ODF2: variants seen among roughly 807,000 people sequenced by gnomAD.
ODF2 encodes outer dense fiber of sperm tails 2.
In ODF2, 47 loss-of-function variants were observed where a neutral mutation model predicts 110.2. The observed-to-expected ratio is 0.43, with a 90% CI of 0.34 to 0.54. ODF2 has a LOEUF of 0.54. ODF2 is among the 20% of genes least tolerant of loss of function. ODF2 has a pLI of 0.03. For synonymous variants in ODF2, 352 were observed against 397.7 expected, an observed-to-expected ratio of 0.89 and a Z score of 1.37; for missense variants, 812 against 1,054.5, an observed-to-expected ratio of 0.77 and a Z score of 3.19.
intron 14 of ODF2, among the ~76,000 whole-genome samples, chr9:128,488,454 C>A (rs1451570583): frequency 6.6e-6 from 1 of 152,036 alleles, no homozygotes; most frequent in African/African-American, 2.4e-5. Flanking sequence ...GGATTCAAGT[C>A]CTTACTCTGC....
chr9:128,463,986 A>C (rs1019913127), intron 4 of ODF2, among the ~76,000 whole-genome samples: 17 of 151,806 alleles, frequency 1.1e-4, no homozygotes, highest in African/African-American at 4.1e-4. Context: ...CTGGGATTAC[A>C]GGCACGCACC....
In ODF2 at chr9:128,494,715, C is replaced by A; in HGVS notation, c.1911+47C>A. Reference sequence around the variant, plus strand: ...TCCCACGAACTGACCCGAGCAGGGGCCCGCATACCAAGATGAGCTGCACGC... The same window carrying A: ...TCCCACGAACTGACCCGAGCAGGGGACCGCATACCAAGATGAGCTGCACGC... On this transcript the variant is annotated intron_variant, in intron 17 of 20. Transcript: ENST00000604420. This position sits in a 1 kb window ranked among gnomAD's most constrained non-coding sequence, Gnocchi z 4.6. 6.2e-7 allele frequency: 1 copy of A among 1,614,092 alleles called. No individual in the cohort carries two copies. Among genetic ancestry groups the A allele is most frequent in the Non-Finnish European group, 8.5e-7 (1 of 1,180,030 alleles).
chr9:128,473,838 G>T, intron 8 of ODF2, 97 bp downstream of exon 8: 1 of 1,112,446 alleles, frequency 9.0e-7, no homozygotes, highest in Non-Finnish European at 1.3e-6. Flanking sequence ...ATTGGTGCCC[G>T]ACCTGAGAGG....
Position 128,494,164 on chromosome 9 carries a change from C to G in ODF2, c.1753-346C>G, listed in dbSNP as rs1183088086. 6.6e-6 allele frequency among the ~76,000 whole-genome samples: 1 copy of G among 152,190 alleles called. No individual in the cohort carries two copies. Among genetic ancestry groups the G allele is most frequent in the Non-Finnish European group, 1.5e-5 (1 of 68,030 alleles). On this transcript the variant is annotated intron_variant, in intron 16 of 20. Transcript: ENST00000604420. The surrounding 1 kb of genome is among the most constrained non-coding windows in gnomAD (Gnocchi z 4.6). ...GAATGACCTTGGGCAAATGACTTAG[C>G]TCTCTTGATGCTTACTATACTTGTA...
At chr9:128,482,869 G>T in exon 10 of ODF2, 1 of 1,605,168 alleles carries the variant, frequency 6.2e-7, no homozygotes, top group Non-Finnish European at 8.5e-7. Flanking sequence ...AGCTCCTTCA[G>T]GAAATACAAT....
Position 128,500,215 on chromosome 9 carries a change from T to A in ODF2, c.2450T>A (p.Leu817Gln), listed in dbSNP as rs1371786352. 3 of 1,614,224 alleles carry A rather than the reference T, an allele frequency of 1.9e-6. No individual in the cohort carries two copies. In the South Asian group the frequency reaches 3.3e-5, roughly 18 times the overall value. ...GGGGATGGTCCCTATTCCACCTTCC[T>A]GACTAGCTCTCCCATCCGCTCCCGA... Residue 817 changes from leucine (L) to glutamine (Q), a missense_variant, in exon 21 of 21, where the codon CTG becomes CAG. Leu to Gln is a moderately radical substitution (Grantham distance 113). Around this residue, in one of 5 missense-constraint regions of ODF2, gnomAD observed 234 missense variants for 245.3 expected, o/e 0.95. Coordinates refer to ENST00000604420, the Ensembl canonical transcript of ODF2.
chr9:128,455,975 G>A, upstream of ODF2: 1 of 1,411,280 alleles, frequency 7.1e-7, no homozygotes, highest in Non-Finnish European at 9.2e-7. Context: ...CTTGGTGACG[G>A]GACGCGTGGC....
intron 4 of ODF2, among the ~76,000 whole-genome samples, chr9:128,467,744 C>CAA (rs5900797): frequency 0.017 from 2,041 of 117,080 alleles, 87 homozygotes; most frequent in East Asian, 0.099. Context: ...GACCCTGTCT[C>CAA]AAAAAAAAAA....
At chr9:128,500,256 G>T (rs1294474834) in exon 21 of ODF2, 6 of 1,614,048 alleles carry the variant, frequency 3.7e-6, no homozygotes, top group Middle Eastern at 1.6e-4. Flanking sequence ...TCCTGCCTGA[G>T]GCCACTTATC....
intron 3 of ODF2, chr9:128,460,200 C>A: frequency 7.6e-7 from 1 of 1,307,892 alleles, no homozygotes; most frequent in South Asian, 1.2e-5. Flanking sequence ...TTCCGCTGTG[C>A]TTCACTAAAT....
At chr9:128,490,421 T>G (rs1844300621) in intron 14 of ODF2, among the ~76,000 whole-genome samples, 1 of 152,054 alleles carries the variant, frequency 6.6e-6, no homozygotes, top group Non-Finnish European at 1.5e-5. Context: ...TAGCTGGGAT[T>G]ACAGGCATCC....
rs1463936495 is a variant in ODF2, at chr9:128,498,443, C to T, written c.2043C>T (p.Ile681=). ...TGGAGGCGACCAGTGCCCAGAATAT[C>T]GAGTTCCTACAGGTGATTGCCAAGA... Residue 681 remains isoleucine (I), a synonymous_variant, in exon 19 of 21, where the codon ATC becomes ATT. Transcript: ENST00000604420. 10 of 1,607,760 alleles carry T rather than the reference C, an allele frequency of 6.2e-6. No homozygotes were observed. In the African/African-American group the frequency reaches 6.7e-5, roughly 11 times the overall value.
At chr9:128,483,657 G>A (rs980136889) in intron 10 of ODF2, among the ~76,000 whole-genome samples, 23 of 151,810 alleles carry the variant, frequency 1.5e-4, no homozygotes, top group African/African-American at 5.6e-4. Context: ...GGCCGAGGCA[G>A]GTGGATCACT....
rs1844850590 is a variant in ODF2 at position 128,492,812 on chromosome 9, CT to C, written c.1752+10del. ...GAACAAAGAGATTGAGGCGGTACTG[CT>C]TTCCTTCCTTGTTTTCTTCTCCTAC... On this transcript the variant is annotated splice_region_variant and intron_variant, in intron 16 of 20. Transcript: ENST00000604420. 6.2e-7 allele frequency: 1 copy of C among 1,606,682 alleles called. No individual in the cohort carries two copies. Among genetic ancestry groups the C allele is most frequent in the African/African-American group, 1.3e-5 (1 of 74,778 alleles).
chr9:128,492,397 G>T lies in ODF2; in HGVS notation c.1537-29G>T, dbSNP rs146272755. 226 of 1,500,612 alleles carry T rather than the reference G, an allele frequency of 1.5e-4. No homozygotes were observed. In the East Asian group the frequency reaches 3.0e-3, roughly 20 times the overall value. 93.0% of individuals were successfully genotyped at this position (1,500,612 alleles called of 1,614,324 possible). On this transcript the variant is annotated intron_variant, in intron 14 of 20. Transcript: ENST00000604420. ...GGTCCACCTGAAGCAGAACCTTCCT[G>T]TGGGTTACTCATGAGCCATCCCTTC...
At chr9:128,472,840 T>G (rs1840365394) in intron 6 of ODF2, 73 bp from the exon 7 acceptor site, 1 of 1,601,248 alleles carries the variant, frequency 6.2e-7, no homozygotes, top group Non-Finnish European at 8.5e-7. Flanking sequence ...CCTAGGGCAT[T>G]GTGAGGCAAG....
At chr9:128,463,844 A>T (rs1837155980) in intron 4 of ODF2, among the ~76,000 whole-genome samples, 1 of 145,424 alleles carries the variant, frequency 6.9e-6, no homozygotes, top group Non-Finnish European at 1.5e-5. Context: ...CTTTATTTTT[A>T]TTTATTTATT....
At chr9:128,470,627 G>GA (rs966690662) in intron 5 of ODF2, among the ~76,000 whole-genome samples, 139 of 127,688 alleles carry the variant, frequency 1.1e-3, no homozygotes, top group Middle Eastern at 3.9e-3. Context: ...TGTTTCAAAA[G>GA]AAAAAAAAAA....
At chr9:128,464,188 C>G (rs1234072290) in intron 4 of ODF2, among the ~76,000 whole-genome samples, 1 of 134,022 alleles carries the variant, frequency 7.5e-6, no homozygotes, top group Admixed American at 7.9e-5. Flanking sequence ...CGGAGTCTCG[C>G]TCTGTCATCC....
Sources: allele counts gnomAD v4.1 joint callset (sites outside exome capture counted in the v4.1 genomes callset), GRCh38; gene constraint gnomAD v4.1.1; regional missense constraint gnomAD v4.1.1; non-coding constraint Gnocchi (gnomAD v3.1); transcripts MANE v1.5; gene names NCBI Gene and HGNC (gene_info 2026-07-23, HGNC 2026-07-21).